RAB6B: variants seen among roughly 807,000 people sequenced by gnomAD.
RAB6B encodes the protein RAB6B, member RAS oncogene family.
RAB6B carries 7 observed loss-of-function variants against 31.2 expected under a neutral mutation model. The observed-to-expected ratio is 0.22, with a 90% CI of 0.13 to 0.42. The LOEUF is 0.42. Among genes scored for constraint, RAB6B ranks in the 10% least tolerant of loss-of-function variants. RAB6B has a pLI of 1.00. For synonymous variants in RAB6B, 105 were observed against 104.9 expected, an observed-to-expected ratio of 1.00 and a Z score of -0.01; for missense variants, 149 against 280.6, an observed-to-expected ratio of 0.53 and a Z score of 3.35.
At chr3:133,850,026 C>T (rs1935955948) in intron 2 of RAB6B, among the ~76,000 whole-genome samples, 1 of 152,004 alleles carries the variant, frequency 6.6e-6, no homozygotes, top group African/African-American at 2.4e-5. Flanking sequence ...GTGGAAAACC[C>T]TGGAAGTGAC....
intron 2 of RAB6B, among the ~76,000 whole-genome samples, chr3:133,851,683 G>A (rs975756014): frequency 2.0e-5 from 3 of 152,158 alleles, no homozygotes. Context: ...AAAGGGGGGA[G>A]TGGCTTGCAC....
At chr3:133,871,560 C>T (rs940237222) in intron 1 of RAB6B, among the ~76,000 whole-genome samples, 1 of 152,222 alleles carries the variant, frequency 6.6e-6, no homozygotes, top group Non-Finnish European at 1.5e-5. Context: ...TGTCTTGTGC[C>T]CACATCACAG....
chr3:133,891,129 G>A (rs1277838899), intron 1 of RAB6B, among the ~76,000 whole-genome samples: 1 of 152,120 alleles, frequency 6.6e-6, no homozygotes, highest in Non-Finnish European at 1.5e-5. Context: ...GCTAGTGGGA[G>A]GGCAGGGGTC....
intron 1 of RAB6B, among the ~76,000 whole-genome samples, chr3:133,876,118 T>C (rs1454974887): frequency 1.3e-5 from 2 of 152,210 alleles, no homozygotes; most frequent in African/African-American, 2.4e-5. Flanking sequence ...CTCCCCAGTG[T>C]AGGAGCCTCC....
At chr3:133,866,944 G>A (rs974266093) in intron 1 of RAB6B, among the ~76,000 whole-genome samples, 1 of 152,256 alleles carries the variant, frequency 6.6e-6, no homozygotes, top group African/African-American at 2.4e-5. Context: ...GGATCAGGGT[G>A]GGGAGATGGA....
At chr3:133,859,176 G>A (rs1039008919) in intron 2 of RAB6B, among the ~76,000 whole-genome samples, 1 of 152,072 alleles carries the variant, frequency 6.6e-6, no homozygotes, top group African/African-American at 2.4e-5. Flanking sequence ...ACAGGGTTTC[G>A]TTATCTTGAC....
At chr3:133,830,803 A>G (rs2107985095) in intron 7 of RAB6B, among the ~76,000 whole-genome samples, 1 of 152,284 alleles carries the variant, frequency 6.6e-6, no homozygotes, top group Admixed American at 6.5e-5. Context: ...CTCAAACTCA[A>G]CACTACTGAC....
At chr3:133,886,512 G>A (rs530457760) in intron 1 of RAB6B, among the ~76,000 whole-genome samples, 2 of 152,298 alleles carry the variant, frequency 1.3e-5, no homozygotes, top group South Asian at 4.1e-4. Context: ...CAGAGGAGCA[G>A]GCATGGTGAG....
chr3:133,876,875 G>A (rs1235189482), intron 1 of RAB6B, among the ~76,000 whole-genome samples: 1 of 152,020 alleles, frequency 6.6e-6, no homozygotes, highest in Non-Finnish European at 1.5e-5. Flanking sequence ...CCAGACTGAT[G>A]TTCCCTATAA....
Position 133,839,582 on chromosome 3 carries a change from C to T in RAB6B, c.325G>A (p.Asp109Asn), listed in dbSNP as rs769627212. ...NSFQQTSKWI[D>N]DVRTERGSDV... The stretch of plus-strand genomic sequence containing the variant: ...CTGCCCCTCTCTGTCCTGACGTCGT[C>T]GATCCACTTAGAGGTCTGTTGGAAG... The change falls in exon 5 of 8, where the codon GAC (aspartate) becomes AAC (asparagine). Residue 109 changes from aspartate to asparagine, a missense_variant. Asp to Asn is a conservative substitution (Grantham distance 23). This residue lies in a region of RAB6B where 75 missense variants were observed against 180.1 expected (regional missense o/e 0.42). Coordinates refer to ENST00000285208, the MANE Select transcript of RAB6B (RefSeq NM_016577.4). The T allele has an allele frequency of 1.1e-5, 18 of 1,614,038 alleles. No homozygotes were observed. The highest frequency in any genetic ancestry group is 2.2e-5 in the East Asian group (1 of 44,886).
chr3:133,832,573 G>C (rs1935670476), intron 7 of RAB6B, among the ~76,000 whole-genome samples: 1 of 152,176 alleles, frequency 6.6e-6, no homozygotes. Context: ...CAAAACACCT[G>C]GATTTGGACT....
rs1015456153 is a variant in RAB6B at position 133,895,727 on chromosome 3, C to T, written c.-261G>A. The T allele has an allele frequency of 4.1e-6, 2 of 490,720 alleles. No individual in the cohort carries two copies. Among genetic ancestry groups the T allele is most frequent in the East Asian group, 7.2e-5 (2 of 27,752 alleles). The allele number at this position is 490,720 out of a possible 1,614,324, so 30.4% of individuals were successfully genotyped here. A position where few individuals can be genotyped will look rare whatever the true frequency, so the allele number is the denominator to read the frequency against. On this transcript the variant is annotated 5_prime_UTR_variant, in exon 1 of 8. Coordinates refer to ENST00000285208, the MANE Select transcript of RAB6B (RefSeq NM_016577.4). Reference sequence around the variant, plus strand: ...GCTGCGGTCGGCACTGGCTGCGGTGCGAGGGGCGCGCTCTTTACGCCCGAG... The same window carrying T: ...GCTGCGGTCGGCACTGGCTGCGGTGTGAGGGGCGCGCTCTTTACGCCCGAG...
chr3:133,840,234 C>T (rs1935805047), intron 4 of RAB6B, among the ~76,000 whole-genome samples: 1 of 152,130 alleles, frequency 6.6e-6, no homozygotes, highest in Admixed American at 6.5e-5. Flanking sequence ...CTCAAAAATC[C>T]AGGAGAGACA....
In RAB6B at chr3:133,828,154, C is replaced by A. The variant is rs1031158895; in HGVS notation, c.*634G>T. 2 of 600,540 alleles carry A rather than the reference C, an allele frequency of 3.3e-6. No individual in the cohort carries two copies. Among genetic ancestry groups the A allele is most frequent in the Admixed American group, 2.8e-5 (1 of 35,388 alleles). 37.2% of individuals were successfully genotyped at this position (600,540 alleles called of 1,614,324 possible). A position where few individuals can be genotyped will look rare whatever the true frequency, so the allele number is the denominator to read the frequency against. ...CTGCCTAGAGCCCACAGACCTTGGT[C>A]TCAGCTCCACACGAGGTTGACGACC... On this transcript the variant is annotated 3_prime_UTR_variant, in exon 8 of 8. Coordinates refer to ENST00000285208, the MANE Select transcript of RAB6B (RefSeq NM_016577.4).
chr3:133,856,613 G>C (rs1936081286), intron 2 of RAB6B, among the ~76,000 whole-genome samples: 1 of 152,170 alleles, frequency 6.6e-6, no homozygotes, highest in Non-Finnish European at 1.5e-5. Flanking sequence ...ATGGGTACTG[G>C]GTGAGCCCAC....
intron 1 of RAB6B, among the ~76,000 whole-genome samples, chr3:133,873,333 A>G (rs1032292204): frequency 2.6e-5 from 4 of 152,200 alleles, no homozygotes; most frequent in African/African-American, 9.7e-5. Context: ...CTGGGGCTCC[A>G]CAGGGTGACT....
chr3:133,854,738 T>C (rs1056054336), intron 2 of RAB6B, among the ~76,000 whole-genome samples: 3 of 152,238 alleles, frequency 2.0e-5, no homozygotes, highest in Non-Finnish European at 4.4e-5. Context: ...GGTTCAGACA[T>C]ACAGTGCAGA....
chr3:133,888,595 A>G (rs766032884), intron 1 of RAB6B, among the ~76,000 whole-genome samples: 1 of 152,230 alleles, frequency 6.6e-6, no homozygotes, highest in South Asian at 2.1e-4. Flanking sequence ...CTTGTTACCA[A>G]GAGATCAGAA....
intron 1 of RAB6B, among the ~76,000 whole-genome samples, chr3:133,865,625 C>T (rs895356596): frequency 6.6e-6 from 1 of 152,232 alleles, no homozygotes; most frequent in Non-Finnish European, 1.5e-5. Flanking sequence ...TGTGCTGGCT[C>T]AGAGCCCTTT....
Sources: allele counts gnomAD v4.1 joint callset (sites outside exome capture counted in the v4.1 genomes callset), GRCh38; gene constraint gnomAD v4.1.1; regional missense constraint gnomAD v4.1.1; transcripts MANE v1.5; gene names NCBI Gene and HGNC (gene_info 2026-07-23, HGNC 2026-07-21).